Variants in RBFOX1 observed in about 807,000 individuals in gnomAD.
RBFOX1 encodes RNA binding fox-1 homolog 1, also known as RNA binding protein fox-1 homolog 1.
RBFOX1 carries 8 observed loss-of-function variants against 57.7 expected under a neutral mutation model. The ratio of observed to expected loss-of-function variants is 0.14; its 90% CI spans 0.08 to 0.25. RBFOX1 has a LOEUF of 0.25. Among genes scored for constraint, RBFOX1 ranks in the 10% least tolerant of loss-of-function variants. The pLI, the probability that RBFOX1 is intolerant of heterozygous loss-of-function variation, is 1.00. For missense variants in RBFOX1, 611 were observed against 548.5 expected, an observed-to-expected ratio of 1.11 and a Z score of -1.14; for synonymous variants, 326 against 222.4, an observed-to-expected ratio of 1.47 and a Z score of -4.15.
intron 4 of RBFOX1, among the ~76,000 whole-genome samples, chr16:7,108,031 G>A (rs1287648527): frequency 1.3e-5 from 2 of 151,892 alleles, no homozygotes; most frequent in Non-Finnish European, 2.9e-5. Flanking sequence ...GGGGGGGAGA[G>A]GGTAGAGAGG....
chr16:5,643,341 G>A (rs2048943204), intron 3 of RBFOX1, among the ~76,000 whole-genome samples: 1 of 152,060 alleles, frequency 6.6e-6, no homozygotes, highest in African/African-American at 2.4e-5. Flanking sequence ...CACTCCCTCT[G>A]GGCACCCAGG....
chr16:6,766,220 G>A (rs1401539634), intron 3 of RBFOX1, among the ~76,000 whole-genome samples: 1 of 152,040 alleles, frequency 6.6e-6, no homozygotes, highest in African/African-American at 2.4e-5. Flanking sequence ...AGTCCAACCA[G>A]AATTTGATTT....
intron 4 of RBFOX1, among the ~76,000 whole-genome samples, chr16:7,429,696 T>C (rs974139601): frequency 1.3e-5 from 2 of 152,284 alleles, no homozygotes; most frequent in Admixed American, 6.5e-5. Flanking sequence ...GTAGATAATA[T>C]ATCTTTTCCC....
chr16:5,433,001 G>C (rs773873800), intron 1 of RBFOX1, among the ~76,000 whole-genome samples: 1 of 152,080 alleles, frequency 6.6e-6, no homozygotes, highest in Admixed American at 6.6e-5. Flanking sequence ...GGCCAGGGTG[G>C]TCTCAAACTC....
At chr16:7,064,483 T>A (rs969812748) in intron 4 of RBFOX1, among the ~76,000 whole-genome samples, 1 of 151,914 alleles carries the variant, frequency 6.6e-6, no homozygotes, top group Non-Finnish European at 1.5e-5. Context: ...GGTGTTCTTA[T>A]AAGAAGAGGA....
chr16:6,336,200 T>A (rs1167651139), intron 2 of RBFOX1, among the ~76,000 whole-genome samples: 35 of 79,676 alleles, frequency 4.4e-4, no homozygotes, highest in African/African-American at 1.9e-3. Context: ...TTTTTTTTTT[T>A]TTTTTTTTTT....
chr16:5,290,004 A>G (rs983510913), intron 1 of RBFOX1, among the ~76,000 whole-genome samples: 2 of 152,228 alleles, frequency 1.3e-5, no homozygotes, highest in Non-Finnish European at 2.9e-5. Flanking sequence ...GAGAGATGGA[A>G]CATGGTTTGA....
intron 2 of RBFOX1, among the ~76,000 whole-genome samples, chr16:6,609,608 G>A (rs1260050659): frequency 2.6e-5 from 4 of 152,072 alleles, no homozygotes; most frequent in African/African-American, 9.7e-5. Context: ...AAAAAAATTT[G>A]TTTATTTCTT....
chr16:7,270,363 T>C (rs2095288051), intron 4 of RBFOX1, among the ~76,000 whole-genome samples: 1 of 152,202 alleles, frequency 6.6e-6, no homozygotes, highest in Non-Finnish European at 1.5e-5. Context: ...AAGCTTCTCC[T>C]TTGTGGATGG....
At chr16:7,374,208 C>T (rs1464467416) in intron 4 of RBFOX1, among the ~76,000 whole-genome samples, 1 of 152,202 alleles carries the variant, frequency 6.6e-6, no homozygotes, top group South Asian at 2.1e-4. Context: ...TTTGGGGATT[C>T]AATATGGGGT....
At chr16:7,486,345 C>G (rs2065390132) in intron 4 of RBFOX1, among the ~76,000 whole-genome samples, 2 of 151,832 alleles carry the variant, frequency 1.3e-5, no homozygotes, top group African/African-American at 4.8e-5. Context: ...GTTGGCCAGG[C>G]TGGTCTCGAA....
chr16:6,188,184 A>G (rs918589824), intron 1 of RBFOX1, among the ~76,000 whole-genome samples: 10 of 152,182 alleles, frequency 6.6e-5, no homozygotes, highest in African/African-American at 2.4e-4. Context: ...AAATCCATAT[A>G]TAAGTAAGCC....
intron 1 of RBFOX1, among the ~76,000 whole-genome samples, chr16:6,028,958 A>G (rs2095247015): frequency 6.6e-6 from 1 of 152,206 alleles, no homozygotes; most frequent in Admixed American, 6.5e-5. Flanking sequence ...AGCTTGGGCC[A>G]GTTACTGCAC....
intron 1 of RBFOX1, among the ~76,000 whole-genome samples, chr16:5,354,608 G>C (rs2065341873): frequency 6.6e-6 from 1 of 152,236 alleles, no homozygotes. Context: ...CGCTTTTCCA[G>C]GCCTTGTGCT....
At chr16:7,367,225 G>C (rs868135485) in intron 4 of RBFOX1, among the ~76,000 whole-genome samples, 6 of 152,272 alleles carry the variant, frequency 3.9e-5, no homozygotes, top group South Asian at 2.1e-4. Flanking sequence ...TGTTTGCAAA[G>C]ACGAGACTGT....
intron 3 of RBFOX1, among the ~76,000 whole-genome samples, chr16:7,033,928 T>A (rs1313301468): frequency 1.3e-5 from 2 of 152,218 alleles, no homozygotes; most frequent in Non-Finnish European, 2.9e-5. Flanking sequence ...ATGATTGCAC[T>A]GCTGCATTTC....
intron 3 of RBFOX1, among the ~76,000 whole-genome samples, chr16:6,827,737 A>G (rs1356591351): frequency 2.0e-5 from 3 of 151,964 alleles, no homozygotes; most frequent in Non-Finnish European, 4.4e-5. Context: ...GATCCCCTAC[A>G]TGGATCTCCG....
At chr16:6,723,032 G>C (rs756456058) in intron 3 of RBFOX1, among the ~76,000 whole-genome samples, 1 of 152,174 alleles carries the variant, frequency 6.6e-6, no homozygotes, top group Non-Finnish European at 1.5e-5. Flanking sequence ...TAAGTGGAAA[G>C]GATCTGAGAG....
intron 4 of RBFOX1, among the ~76,000 whole-genome samples, chr16:7,140,714 T>C (rs1037155164): frequency 2.0e-5 from 3 of 152,104 alleles, no homozygotes; most frequent in African/African-American, 7.2e-5. Flanking sequence ...GCAATAATTA[T>C]TGGAACTGGG....
Sources: gnomAD v4.1 joint callset for allele counts (sites outside exome capture counted in the v4.1 genomes callset) on GRCh38, gnomAD v4.1.1 for gene constraint, MANE v1.5 for transcripts, NCBI Gene and HGNC (gene_info 2026-07-23, HGNC 2026-07-21) for gene names.